NIBAN2: variants seen among roughly 807,000 people sequenced by gnomAD.
NIBAN2 encodes niban apoptosis regulator 2.
Under a neutral mutation model 81.8 loss-of-function variants are expected in NIBAN2, and 36 were observed. The ratio of observed to expected loss-of-function variants is 0.44; its 90% CI spans 0.34 to 0.58. NIBAN2 has a LOEUF of 0.58. NIBAN2 is among the 20% of genes least tolerant of loss of function. The pLI is 0.02. For synonymous variants in NIBAN2, 445 were observed against 441.6 expected, an observed-to-expected ratio of 1.01 and a Z score of -0.10; for missense variants, 897 against 1,014.1, an observed-to-expected ratio of 0.88 and a Z score of 1.57.
At chr9:127,568,783 A>T in intron 1 of NIBAN2, 37 bp downstream of exon 1, 3 of 1,266,652 alleles carry the variant, frequency 2.4e-6, no homozygotes, top group Non-Finnish European at 3.0e-6. Flanking sequence ...GGGTTCCGGC[A>T]GGCCCCTGGG....
chr9:127,532,265 G>C (rs1472447936), intron 1 of NIBAN2, among the ~76,000 whole-genome samples: 1 of 152,166 alleles, frequency 6.6e-6, no homozygotes. Flanking sequence ...TGATCTCTAG[G>C]GATGATCGGT....
In NIBAN2 at chr9:127,527,093, C is replaced by T. The variant is rs112917275; in HGVS notation, c.315+101G>A. 1.2e-4 allele frequency: 182 copies of T among 1,458,756 alleles called. No individual in the cohort carries two copies. The African/African-American group carries it at 2.3e-3, about 18-fold the overall frequency. The allele number at this position is 1,458,756 out of a possible 1,614,324, so 90.4% of individuals were successfully genotyped here. On this transcript the variant is annotated intron_variant, in intron 3 of 13. Transcript: ENST00000373312. ...TCTGGCCCTGGTGACCGCGTGCAGGCTGTGACGGTGGCGTCTGGGGCCTAA... is the reference window on the plus strand; with the variant it reads ...TCTGGCCCTGGTGACCGCGTGCAGGTTGTGACGGTGGCGTCTGGGGCCTAA...
chr9:127,516,968 C>A lies in NIBAN2; in HGVS notation c.862G>T (p.Glu288Ter). The A allele has an allele frequency of 6.2e-7, 1 of 1,614,110 alleles. No homozygotes were observed. Among genetic ancestry groups the A allele is most frequent in the Non-Finnish European group, 8.5e-7 (1 of 1,180,018 alleles). The change falls in exon 8 of 14, where the codon GAG (glutamate) becomes TAG (stop). Residue 288 changes from glutamate to a stop codon, truncating the protein, a stop_gained. Coordinates refer to ENST00000373312, the MANE Select transcript of NIBAN2 (RefSeq NM_022833.4). LOFTEE classifies it high-confidence loss of function. ...TGCTGCACCTTGGACAGCACCTCCTCGAAGCGCGCCTTGGCCTGCTCGTAC... is the reference window on the plus strand; with the variant it reads ...TGCTGCACCTTGGACAGCACCTCCTAGAAGCGCGCCTTGGCCTGCTCGTAC... ...MVYEQAKARFEEVLSKVQQVQ... is the reference protein window; with the variant it reads ...MVYEQAKARF
intron 1 of NIBAN2, among the ~76,000 whole-genome samples, chr9:127,539,693 C>A (rs1249665170): frequency 6.6e-6 from 1 of 152,200 alleles, no homozygotes; most frequent in Non-Finnish European, 1.5e-5. Context: ...GACCGGGATG[C>A]TGGCCTCAGC....
chr9:127,527,189 C>A lies in NIBAN2; in HGVS notation c.315+5G>T. On this transcript the variant is annotated splice_donor_5th_base_variant and intron_variant, in intron 3 of 13. Transcript: ENST00000373312. ...CTCAGTGTGGCGCCCGGGGCCAGGC[C>A]TCACCGCTTTGTTTTCGTAGAGCAC... The A allele has an allele frequency of 2.5e-6, 4 of 1,612,864 alleles. No homozygotes were observed. The highest frequency in any genetic ancestry group is 3.4e-6 in the Non-Finnish European group (4 of 1,179,956).
Position 127,506,996 on chromosome 9 carries a change from G to A in NIBAN2, c.2090C>T (p.Pro697Leu), listed in dbSNP as rs757748473. 20 of 1,597,528 alleles carry A rather than the reference G, an allele frequency of 1.3e-5. No homozygotes were observed. Among genetic ancestry groups the A allele is most frequent in the Non-Finnish European group, 1.6e-5 (19 of 1,170,812 alleles). Residue 697 changes from proline to leucine, a missense_variant, in exon 14 of 14, where the codon CCC becomes CTC. Around this residue, in one of 3 missense-constraint regions of NIBAN2, gnomAD observed 619 missense variants for 691.0 expected, o/e 0.90. Coordinates refer to ENST00000373312, the MANE Select transcript of NIBAN2 (RefSeq NM_022833.4). Reference protein sequence around the residue: ...APEASSPPASPLQHLLPGKAV... With the variant: ...APEASSPPASLLQHLLPGKAV... ...CTTTCCAGGCAGGAGATGCTGGAGG[G>A]GTGAGGCAGGCGGCGAGGAGGCCTC...
At position 127,507,775 on chromosome 9, in the gene NIBAN2, G is replaced by T; in HGVS notation, c.1654+92C>A. ...CAGGTGCAAGTCTGGGCTTTTCTTT[G>T]AGCCTTAGCTGACCCCCTCAGCTGC... On this transcript the variant is annotated intron_variant, in intron 13 of 13. Coordinates refer to ENST00000373312, the MANE Select transcript of NIBAN2 (RefSeq NM_022833.4). The surrounding 1 kb of genome is among the most constrained non-coding windows in gnomAD (Gnocchi z 6.8). The T allele has an allele frequency of 8.5e-7, 1 of 1,181,528 alleles. No individual in the cohort carries two copies. Among genetic ancestry groups the T allele is most frequent in the Non-Finnish European group, 1.3e-6 (1 of 798,070 alleles). 73.2% of individuals were successfully genotyped at this position (1,181,528 alleles called of 1,614,324 possible). A position where few individuals can be genotyped will look rare whatever the true frequency, so the allele number is the denominator to read the frequency against.
upstream of NIBAN2, among the ~76,000 whole-genome samples, chr9:127,573,924 C>T (rs1231638049): frequency 6.6e-6 from 1 of 152,148 alleles, no homozygotes; most frequent in Non-Finnish European, 1.5e-5. Context: ...TCTCAAAGTG[C>T]TGGGATTACA....
At chr9:127,557,381 G>A (rs1837690603) in intron 1 of NIBAN2, among the ~76,000 whole-genome samples, 1 of 150,900 alleles carries the variant, frequency 6.6e-6, no homozygotes, top group Non-Finnish European at 1.5e-5. Context: ...AGGAGAGGCA[G>A]GAGTTCACCC....
intron 1 of NIBAN2, among the ~76,000 whole-genome samples, chr9:127,567,611 C>T (rs1837880755): frequency 6.6e-6 from 1 of 152,198 alleles, no homozygotes; most frequent in African/African-American, 2.4e-5. Flanking sequence ...GGACACCTGG[C>T]CACTGCTCTC....
chr9:127,544,532 C>T (rs1050853339), intron 1 of NIBAN2, among the ~76,000 whole-genome samples: 1 of 151,158 alleles, frequency 6.6e-6, no homozygotes, highest in Non-Finnish European at 1.5e-5. Context: ...AGATGGAGTC[C>T]CCACTCTGTT....
Position 127,523,695 on chromosome 9 carries a change from G to T in NIBAN2, c.573C>A (p.Ile191=). 1.2e-6 allele frequency: 2 copies of T among 1,612,060 alleles called. No individual in the cohort carries two copies. Among genetic ancestry groups the T allele is most frequent in the Non-Finnish European group, 1.7e-6 (2 of 1,178,524 alleles). The change falls in exon 5 of 14, where the codon ATC becomes ATA. Residue 191 remains isoleucine, a synonymous_variant. Transcript: ENST00000373312. ...DKWQAVLQDC[I]RHCNNGIPED... is the part of the protein sequence containing the mutation. ...GCCACTCACCATTGTTGCAGTGCCG[G>T]ATGCAGTCCTGCAGCACAGCCTGCC...
At chr9:127,528,902 C>T (rs1301303621) in intron 2 of NIBAN2, among the ~76,000 whole-genome samples, 2 of 152,234 alleles carry the variant, frequency 1.3e-5, no homozygotes, top group African/African-American at 4.8e-5. Context: ...CACTCCGGGA[C>T]AGGGCCAGTC....
At chr9:127,554,556 T>G (rs1263404412) in intron 1 of NIBAN2, among the ~76,000 whole-genome samples, 1 of 143,626 alleles carries the variant, frequency 7.0e-6, no homozygotes. Context: ...TTCTTTTTTT[T>G]TTTTTTTTTT....
At position 127,506,518 on chromosome 9, in the gene NIBAN2, C is replaced by G; in HGVS notation, c.*327G>C. 4.0e-6 allele frequency: 1 copy of G among 250,588 alleles called. No homozygotes were observed. The highest frequency in any genetic ancestry group is 7.6e-6 in the Non-Finnish European group (1 of 131,268). 15.5% of individuals were successfully genotyped at this position (250,588 alleles called of 1,614,324 possible). ...CCTCTCTCCAGGAAGGATGGCAGCA[C>G]CCATGAGGGGATGGAGGCCACAGAA... is the stretch of plus-strand genomic sequence containing the variant. On this transcript the variant is annotated 3_prime_UTR_variant, in exon 14 of 14. Coordinates refer to ENST00000373312, the MANE Select transcript of NIBAN2 (RefSeq NM_022833.4).
Position 127,507,813 on chromosome 9 carries a change from G to T in NIBAN2, c.1654+54C>A. 1 of 1,526,702 alleles carries T rather than the reference G, an allele frequency of 6.6e-7. No individual in the cohort carries two copies. Among genetic ancestry groups the T allele is most frequent in the Non-Finnish European group, 9.1e-7 (1 of 1,101,618 alleles). 94.6% of individuals were successfully genotyped at this position (1,526,702 alleles called of 1,614,324 possible). On this transcript the variant is annotated intron_variant, in intron 13 of 13. Transcript: ENST00000373312. This position sits in a 1 kb window ranked among gnomAD's most constrained non-coding sequence, Gnocchi z 6.8. ...CCCCCTCAGCTGCCACCACTTCTCA[G>T]CTGCGCCCCCAGCATCCTCCTGGCA... is the stretch of plus-strand genomic sequence containing the variant.
Position 127,508,120 on chromosome 9 carries a change from G to C in NIBAN2, c.1515C>G (p.Leu505=), listed in dbSNP as rs376674479. Residue 505 remains leucine (L), a synonymous_variant, in exon 12 of 14, where the codon CTC becomes CTG. Transcript: ENST00000373312. The surrounding 1 kb of genome is among the most constrained non-coding windows in gnomAD (Gnocchi z 6.4). ...ACTTGCAGGTAGGGGCCAGCTTCTT[G>C]AGCAGGAACGGGATGCTGATCTGCA... ...ALLQISIPFL[L]KKLAPTCKSE... 128 of 1,613,566 alleles carry C rather than the reference G, an allele frequency of 7.9e-5. 1 individual carries two copies. The highest frequency in any genetic ancestry group is 9.9e-5 in the Non-Finnish European group (117 of 1,180,042).
At chr9:127,565,946 T>TCTCTCTCTCTCTCACACACACACA (rs751937125) in intron 1 of NIBAN2, among the ~76,000 whole-genome samples, 3 of 130,616 alleles carry the variant, frequency 2.3e-5, no homozygotes, top group African/African-American at 9.6e-5. Context: ...TCTCTCTCTC[T>TCTCTCTCTCTCTCACACACACACA]CACACACACA....
At chr9:127,525,196 T>C (rs1588162202) in intron 3 of NIBAN2, 33 bp from the exon 4 acceptor site, 1 of 1,571,758 alleles carries the variant, frequency 6.4e-7, no homozygotes, top group African/African-American at 1.4e-5. Flanking sequence ...TCCCTGAGGG[T>C]TAAGGTGCGG....
Sources: allele counts gnomAD v4.1 joint callset (sites outside exome capture counted in the v4.1 genomes callset), GRCh38; gene constraint gnomAD v4.1.1; regional missense constraint gnomAD v4.1.1; non-coding constraint Gnocchi (gnomAD v3.1); transcripts MANE v1.5; gene names NCBI Gene and HGNC (gene_info 2026-07-23, HGNC 2026-07-21).